Variants in SFMBT2 observed in about 807,000 individuals in gnomAD.
SFMBT2 encodes the protein Scm like with four mbt domains 2.
A neutral mutation model predicts 110.1 loss-of-function variants in SFMBT2; 38 were observed. That is an observed-to-expected ratio of 0.35 (90% CI 0.27 to 0.45). The LOEUF (loss-of-function observed/expected upper bound fraction) is 0.45, where lower values mean the gene tolerates loss of function less well. SFMBT2 is among the 20% of genes least tolerant of loss of function. The pLI, the probability that SFMBT2 is intolerant of heterozygous loss-of-function variation, is 1.00. For synonymous variants in SFMBT2, 425 were observed against 425.4 expected (o/e 1.00, Z 0.01); for missense variants, 1,011 against 1,094.9 (o/e 0.92, Z 1.08).
chr10:7,262,645 A>G (rs1005901408), intron 7 of SFMBT2, among the ~76,000 whole-genome samples: 11 of 152,354 alleles, frequency 7.2e-5, no homozygotes, highest in Admixed American at 4.6e-4. Flanking sequence ...TAGGATTAAA[A>G]GCAAGTTGCT....
chr10:7,337,088 C>A (rs1176246551), intron 4 of SFMBT2, among the ~76,000 whole-genome samples: 1 of 152,214 alleles, frequency 6.6e-6, no homozygotes, highest in Non-Finnish European at 1.5e-5. Context: ...TGTGCACTGA[C>A]TTAATATGTA....
rs1339519809 is a variant in SFMBT2 at position 7,367,736 on chromosome 10, C to A, written c.349G>T (p.Ala117Ser). 1 of 1,614,112 alleles carries A rather than the reference C, an allele frequency of 6.2e-7. No individual in the cohort carries two copies. Among genetic ancestry groups the A allele is most frequent in the East Asian group, 2.2e-5 (1 of 44,882 alleles). The change falls in exon 4 of 21, where the codon GCC becomes TCC. Residue 117 changes from alanine to serine, a missense_variant. This residue lies in a region of SFMBT2 where 979 missense variants were observed against 1,016.1 expected (regional missense o/e 0.96). Transcript: ENST00000397167. The surrounding 1 kb of genome is among the most constrained non-coding windows in gnomAD (Gnocchi z 6.2). ...ATGACTACGTCACACCAGAAGTCGGCCCTGCGGTCCTCCCCGTAACCGCAG... is the reference window on the plus strand; with the variant it reads ...ATGACTACGTCACACCAGAAGTCGGACCTGCGGTCCTCCCCGTAACCGCAG... ...RYCGYGEDRR[A>S]DFWCDVVIAD...
intron 17 of SFMBT2, 127 bp downstream of exon 17, chr10:7,175,863 C>G: frequency 7.2e-6 from 6 of 831,120 alleles, no homozygotes; most frequent in Non-Finnish European, 1.1e-5. Context: ...CCTTCCATAG[C>G]AATTCCTATG....
intron 10 of SFMBT2, among the ~76,000 whole-genome samples, chr10:7,225,974 CA>C (rs1649772451): frequency 6.6e-6 from 1 of 152,182 alleles, no homozygotes; most frequent in African/African-American, 2.4e-5. Flanking sequence ...TCAAAGCTTT[CA>C]GAGTTAACCA....
chr10:7,217,095 A>G (rs914329020), intron 11 of SFMBT2, among the ~76,000 whole-genome samples: 1 of 152,270 alleles, frequency 6.6e-6, no homozygotes, highest in Admixed American at 6.5e-5. Context: ...CAAATCCAGC[A>G]TGATTTGACT....
intron 6 of SFMBT2, 48 bp from the exon 7 acceptor site, chr10:7,277,037 G>C (rs879096548): frequency 1.2e-6 from 1 of 825,874 alleles, no homozygotes; most frequent in South Asian, 1.3e-5. Context: ...AACACGTTCT[G>C]CCGGGTGACT....
chr10:7,259,254 G>A (rs1841123646), intron 7 of SFMBT2, among the ~76,000 whole-genome samples: 1 of 152,198 alleles, frequency 6.6e-6, no homozygotes, highest in South Asian at 2.1e-4. Context: ...CAGAGAGCTT[G>A]CAAACCCCTC....
intron 4 of SFMBT2, among the ~76,000 whole-genome samples, chr10:7,335,620 C>CACACAA (rs1554806117): frequency 1.3e-5 from 2 of 150,864 alleles, no homozygotes; most frequent in Non-Finnish European, 1.5e-5. Context: ...CACACACACA[C>CACACAA]AACCATATAC....
chr10:7,256,648 A>G (rs1230750809), intron 7 of SFMBT2, among the ~76,000 whole-genome samples: 1 of 152,196 alleles, frequency 6.6e-6, no homozygotes, highest in Non-Finnish European at 1.5e-5. Flanking sequence ...ATTATCCTCC[A>G]TCGATACCGA....
At position 7,301,851 on chromosome 10, in the gene SFMBT2, A is replaced by C. The variant is rs1321614299; in HGVS notation, c.437-15897T>G. Among the ~76,000 whole-genome samples the C allele has an allele frequency of 6.6e-6, 1 of 152,050 alleles. No homozygotes were observed. Among genetic ancestry groups the C allele is most frequent in the South Asian group, 2.1e-4 (1 of 4,822 alleles). On this transcript the variant is annotated intron_variant, in intron 4 of 20. Transcript: ENST00000397167. This position sits in a 1 kb window ranked among gnomAD's most constrained non-coding sequence, Gnocchi z 4.2. ...TCTAGACTATCGAAGGGGAAAAAAA[A>C]CCACTGGTGTAGAATTTTTTAAAAA...
intron 5 of SFMBT2, chr10:7,284,821 A>G (rs56180908): frequency 0.01 from 1,625 of 158,422 alleles, 26 homozygotes; most frequent in African/African-American, 0.038. Context: ...ATAGCATATG[A>G]AAAGGGTGTT....
intron 2 of SFMBT2, among the ~76,000 whole-genome samples, chr10:7,373,779 G>A (rs191064718): frequency 7.4e-4 from 113 of 152,300 alleles, no homozygotes; most frequent in African/African-American, 2.6e-3. Flanking sequence ...CACCTGCGAA[G>A]AGGAGAAGAG....
At chr10:7,262,631 C>T (rs572672359) in intron 7 of SFMBT2, among the ~76,000 whole-genome samples, 13 of 152,302 alleles carry the variant, frequency 8.5e-5, no homozygotes, top group South Asian at 8.3e-4. Flanking sequence ...AAATTCTTAA[C>T]GTTTAGGATT....
intron 12 of SFMBT2, chr10:7,205,032 C>T: frequency 1.7e-6 from 1 of 582,478 alleles, no homozygotes; most frequent in Non-Finnish European, 2.2e-6. Flanking sequence ...TTATAAAGTA[C>T]AGTTGAAATA....
chr10:7,184,168 C>A (rs1317226723), intron 16 of SFMBT2, among the ~76,000 whole-genome samples: 1 of 152,078 alleles, frequency 6.6e-6, no homozygotes, highest in South Asian at 2.1e-4. Context: ...CCAAAAAAAT[C>A]ATCTCCTCTC....
chr10:7,336,826 C>T (rs1250899968), intron 4 of SFMBT2, among the ~76,000 whole-genome samples: 1 of 152,060 alleles, frequency 6.6e-6, no homozygotes, highest in African/African-American at 2.4e-5. Flanking sequence ...TGCTGGAGAC[C>T]AGAACATGCA....
chr10:7,398,755 T>TC (rs940331899), intron 1 of SFMBT2, among the ~76,000 whole-genome samples: 2 of 152,014 alleles, frequency 1.3e-5, no homozygotes, highest in Non-Finnish European at 2.9e-5. Context: ...AATTAGAGCA[T>TC]CCCCCCAGGT....
intron 4 of SFMBT2, among the ~76,000 whole-genome samples, chr10:7,350,745 G>A (rs1844286776): frequency 6.6e-6 from 1 of 152,182 alleles, no homozygotes; most frequent in Non-Finnish European, 1.5e-5. Flanking sequence ...TAGAACAGCA[G>A]GTTTTTACAA....
intron 6 of SFMBT2, 37 bp from the exon 7 acceptor site, chr10:7,277,026 T>G (rs755885305): frequency 1.2e-6 from 1 of 841,330 alleles, no homozygotes; most frequent in Non-Finnish European, 2.1e-6. Flanking sequence ...GTTGAAGGAC[T>G]AACACGTTCT....
Sources: gnomAD v4.1 joint callset for allele counts (sites outside exome capture counted in the v4.1 genomes callset) on GRCh38, gnomAD v4.1.1 for gene constraint, gnomAD v4.1.1 regional missense constraint, Gnocchi (gnomAD v3.1) non-coding constraint, MANE v1.5 for transcripts, NCBI Gene and HGNC (gene_info 2026-07-23, HGNC 2026-07-21) for gene names.